CDC73: variants seen among roughly 807,000 people sequenced by gnomAD.
CDC73 encodes the protein cell division cycle 73.
A neutral mutation model predicts 83.7 loss-of-function variants in CDC73; 21 were observed. The observed-to-expected ratio is 0.25, with a 90% CI of 0.18 to 0.36. CDC73 has a LOEUF of 0.36. Ranked by LOEUF, CDC73 falls within the 10% of genes least tolerant of loss-of-function variation. CDC73 has a pLI of 1.00. For missense variants in CDC73, 342 were observed against 653.3 expected (o/e 0.52, Z 5.19); for synonymous variants, 224 against 212.9 (o/e 1.05, Z -0.45).
chr1:193,165,772 G>C (rs1676425679), intron 10 of CDC73, among the ~76,000 whole-genome samples: 1 of 152,126 alleles, frequency 6.6e-6, no homozygotes. Flanking sequence ...GCATAAAATT[G>C]ATCAAAATGT....
At chr1:193,193,807 G>A (rs1423039001) in intron 10 of CDC73, among the ~76,000 whole-genome samples, 1 of 151,184 alleles carries the variant, frequency 6.6e-6, no homozygotes, top group South Asian at 2.1e-4. Flanking sequence ...GTGTGTGTGT[G>A]TGTGTGTGTG....
chr1:193,227,356 G>T (rs1677583084), intron 13 of CDC73, among the ~76,000 whole-genome samples: 2 of 152,124 alleles, frequency 1.3e-5, no homozygotes, highest in South Asian at 4.2e-4. Context: ...TCCAGGTCTG[G>T]CGTGGTGCCT....
At chr1:193,197,847 A>C (rs1350670614) in intron 10 of CDC73, among the ~76,000 whole-genome samples, 1 of 149,846 alleles carries the variant, frequency 6.7e-6, no homozygotes, top group Non-Finnish European at 1.5e-5. Flanking sequence ...AATCGCTTGA[A>C]CTGGGAGGTG....
chr1:193,138,521 A>G (rs1675843294), intron 6 of CDC73, among the ~76,000 whole-genome samples: 1 of 152,212 alleles, frequency 6.6e-6, no homozygotes. Context: ...TTTGAAGGTA[A>G]TATGGTCTCT....
chr1:193,230,041 G>A (rs1677633762), intron 13 of CDC73, among the ~76,000 whole-genome samples: 1 of 151,876 alleles, frequency 6.6e-6, no homozygotes, highest in African/African-American at 2.4e-5. Flanking sequence ...TAAATTTTAT[G>A]TCAATAAAAA....
intron 15 of CDC73, among the ~76,000 whole-genome samples, chr1:193,238,775 G>A (rs113177006): frequency 3.5e-4 from 53 of 152,224 alleles, no homozygotes; most frequent in African/African-American, 1.1e-3. Flanking sequence ...TAAGAAAATC[G>A]TAAGAAAGAG....
intron 13 of CDC73, among the ~76,000 whole-genome samples, chr1:193,226,187 C>T (rs1320674007): frequency 6.6e-6 from 1 of 152,102 alleles, no homozygotes; most frequent in Non-Finnish European, 1.5e-5. Flanking sequence ...GTCCTTTCCC[C>T]ACTTTATGTT....
chr1:193,195,635 T>C (rs1478698948), intron 10 of CDC73, among the ~76,000 whole-genome samples: 1 of 152,154 alleles, frequency 6.6e-6, no homozygotes, highest in African/African-American at 2.4e-5. Flanking sequence ...AGAATTCCAA[T>C]TTCTCCATCT....
At chr1:193,184,775 G>A (rs1676777078) in intron 10 of CDC73, among the ~76,000 whole-genome samples, 2 of 151,802 alleles carry the variant, frequency 1.3e-5, no homozygotes, top group South Asian at 4.1e-4. Context: ...GTCTTTATTA[G>A]AATAAAAATT....
intron 13 of CDC73, among the ~76,000 whole-genome samples, chr1:193,227,752 A>C (rs12753803): frequency 0.024 from 3,700 of 152,248 alleles, 68 homozygotes; most frequent in Middle Eastern, 0.065. Flanking sequence ...TTTCAGATGC[A>C]TTTTTACCTT....
intron 3 of CDC73, among the ~76,000 whole-genome samples, chr1:193,134,618 C>T (rs1007530225): frequency 6.6e-6 from 1 of 152,014 alleles, no homozygotes; most frequent in Non-Finnish European, 1.5e-5. Context: ...TTGCAGTAAG[C>T]CAGGATCGCC....
chr1:193,217,339 A>T (rs190170283), intron 13 of CDC73, among the ~76,000 whole-genome samples: 270 of 151,994 alleles, frequency 1.8e-3, no homozygotes, highest in African/African-American at 6.0e-3. Context: ...AGGACAAGAT[A>T]CTCTGCTCTA....
At chr1:193,196,988 A>G (rs953423925) in intron 10 of CDC73, among the ~76,000 whole-genome samples, 2 of 152,146 alleles carry the variant, frequency 1.3e-5, no homozygotes, top group African/African-American at 4.8e-5. Context: ...AATAGAAGTG[A>G]TGAAAGTGGG....
chr1:193,128,993 ATTTTTTTTTT>A (rs756040512), intron 2 of CDC73, among the ~76,000 whole-genome samples: 31 of 128,940 alleles, frequency 2.4e-4, no homozygotes, highest in Admixed American at 2.2e-3. Flanking sequence ...CGCCCGGCTA[ATTTTTTTTTT>A]TTTTTTTTTT....
chr1:193,179,544 A>G (rs1373307028), intron 10 of CDC73: 1 of 152,642 alleles, frequency 6.6e-6, no homozygotes, highest in Non-Finnish European at 1.5e-5. Flanking sequence ...TTTGGTTCTT[A>G]ACATCAATGA....
At chr1:193,213,022 A>G (rs886892263) in intron 13 of CDC73, among the ~76,000 whole-genome samples, 1 of 152,186 alleles carries the variant, frequency 6.6e-6, no homozygotes, top group Non-Finnish European at 1.5e-5. Flanking sequence ...AGTTTGTTCT[A>G]ATAAACATGC....
chr1:193,202,171 G>A (rs1223775212), intron 10 of CDC73, among the ~76,000 whole-genome samples: 1 of 149,814 alleles, frequency 6.7e-6, no homozygotes, highest in African/African-American at 2.4e-5. Flanking sequence ...TCCTTTTAAT[G>A]GATTCCTATT....
chr1:193,174,489 C>T (rs536234516), intron 10 of CDC73, among the ~76,000 whole-genome samples: 1 of 152,116 alleles, frequency 6.6e-6, no homozygotes, highest in African/African-American at 2.4e-5. Context: ...AATCTGAAGC[C>T]TATGTTATAC....
chr1:193,131,137 T>A (rs1675686214), intron 3 of CDC73, among the ~76,000 whole-genome samples: 1 of 152,214 alleles, frequency 6.6e-6, no homozygotes, highest in Admixed American at 6.5e-5. Context: ...TCAACATGTT[T>A]CCTTGAATGT....
Sources: gnomAD v4.1 joint callset for allele counts (sites outside exome capture counted in the v4.1 genomes callset) on GRCh38, gnomAD v4.1.1 for gene constraint, MANE v1.5 for transcripts, NCBI Gene and HGNC (gene_info 2026-07-23, HGNC 2026-07-21) for gene names.